NCALD: variants seen among roughly 807,000 people sequenced by gnomAD.
NCALD encodes the protein neurocalcin delta.
In NCALD, 10 loss-of-function variants were observed where a neutral mutation model predicts 18.6. The ratio of observed to expected loss-of-function variants is 0.54; its 90% CI spans 0.33 to 0.91. NCALD has a LOEUF of 0.91. Ranked by LOEUF, NCALD falls within the 40% of genes least tolerant of loss-of-function variation. The pLI is 0.03. For synonymous variants in NCALD, 88 were observed against 87.4 expected, an observed-to-expected ratio of 1.01 and a Z score of -0.04; for missense variants, 184 against 247.6, an observed-to-expected ratio of 0.74 and a Z score of 1.72.
At chr8:101,994,429 G>C (rs931626941) in intron 2 of NCALD, among the ~76,000 whole-genome samples, 1 of 152,142 alleles carries the variant, frequency 6.6e-6, no homozygotes, top group African/African-American at 2.4e-5. Flanking sequence ...GAGGGCTACT[G>C]TTCCTGAATG....
chr8:101,887,631 A>G (rs888681941), intron 3 of NCALD, among the ~76,000 whole-genome samples: 4 of 150,102 alleles, frequency 2.7e-5, no homozygotes, highest in Non-Finnish European at 5.9e-5. Context: ...ATATACATAT[A>G]TATTAAATAC....
chr8:101,929,910 C>T (rs1818510690), intron 2 of NCALD, among the ~76,000 whole-genome samples: 1 of 151,922 alleles, frequency 6.6e-6, no homozygotes, highest in African/African-American at 2.4e-5. Context: ...AACCACATCG[C>T]CCAGTGTGGT....
intron 1 of NCALD, among the ~76,000 whole-genome samples, chr8:102,106,068 C>T (rs1481482758): frequency 6.6e-6 from 1 of 151,210 alleles, no homozygotes; most frequent in Admixed American, 6.6e-5. Context: ...ACATCTAGAA[C>T]AACAATTTTT....
intron 1 of NCALD, among the ~76,000 whole-genome samples, chr8:102,033,988 T>G (rs1433996810): frequency 1.4e-5 from 2 of 145,136 alleles, no homozygotes; most frequent in Non-Finnish European, 3.0e-5. Context: ...TCTCTTTCTT[T>G]CTTGCTCTCT....
intron 4 of NCALD, among the ~76,000 whole-genome samples, chr8:101,798,604 C>T (rs1013130479): frequency 6.6e-6 from 1 of 151,976 alleles, no homozygotes; most frequent in Non-Finnish European, 1.5e-5. Context: ...ACAGAATTAA[C>T]ACAATTCTAA....
chr8:101,792,703 A>T (rs1478478251), upstream of NCALD, among the ~76,000 whole-genome samples: 2 of 152,190 alleles, frequency 1.3e-5, no homozygotes, highest in Non-Finnish European at 2.9e-5. Flanking sequence ...GAGGCAGAGA[A>T]ACATACCCTT....
At chr8:101,825,831 G>C (rs985258814) in intron 4 of NCALD, among the ~76,000 whole-genome samples, 2 of 152,162 alleles carry the variant, frequency 1.3e-5, no homozygotes, top group African/African-American at 4.8e-5. Context: ...CACAAAAGCA[G>C]CTATAGACAA....
At chr8:101,691,571 G>C in intron 3 of NCALD, 1 of 985,396 alleles carries the variant, frequency 1.0e-6, no homozygotes, top group South Asian at 4.7e-5. Context: ...AAAACCTGCA[G>C]TTTAACATCA....
At chr8:101,719,734 G>A in intron 1 of NCALD, 86 bp from the exon 2 acceptor site, 2 of 1,305,106 alleles carry the variant, frequency 1.5e-6, no homozygotes, top group Non-Finnish European at 1.0e-6. Flanking sequence ...CCTTTGGGAA[G>A]AAGAAAAAAC....
intron 2 of NCALD, among the ~76,000 whole-genome samples, chr8:101,934,893 G>T (rs543082274): frequency 8.5e-5 from 13 of 152,182 alleles, no homozygotes; most frequent in African/African-American, 3.1e-4. Flanking sequence ...AATCAACTTG[G>T]GCCATCCTCC....
intron 2 of NCALD, among the ~76,000 whole-genome samples, chr8:102,005,481 G>A (rs984869024): frequency 9.2e-5 from 14 of 152,092 alleles, no homozygotes; most frequent in Admixed American, 8.5e-4. Context: ...ATTCCTCAGG[G>A]ATCTAGAACT....
intron 4 of NCALD, among the ~76,000 whole-genome samples, chr8:101,819,237 A>G (rs1813620158): frequency 6.6e-6 from 1 of 150,940 alleles, no homozygotes; most frequent in African/African-American, 2.4e-5. Flanking sequence ...TACATCACAT[A>G]TATTTGTTTA....
At chr8:101,975,523 T>C (rs1199277069) in intron 2 of NCALD, among the ~76,000 whole-genome samples, 1 of 152,162 alleles carries the variant, frequency 6.6e-6, no homozygotes, top group Non-Finnish European at 1.5e-5. Context: ...TATTGGAAAA[T>C]GGAGGCACCA....
intron 2 of NCALD, among the ~76,000 whole-genome samples, chr8:102,001,729 C>T (rs992736461): frequency 1.3e-5 from 2 of 152,142 alleles, no homozygotes; most frequent in Non-Finnish European, 2.9e-5. Flanking sequence ...ATTCGACATT[C>T]TTAAAGAAAA....
intron 1 of NCALD, among the ~76,000 whole-genome samples, chr8:101,786,345 C>T (rs1288558777): frequency 6.6e-6 from 1 of 152,192 alleles, no homozygotes. Context: ...AGGGGAGGAC[C>T]TCACATGCCT....
chr8:101,974,203 AT>A (rs1243686475), intron 2 of NCALD, among the ~76,000 whole-genome samples: 1 of 152,116 alleles, frequency 6.6e-6, no homozygotes, highest in Non-Finnish European at 1.5e-5. Flanking sequence ...CATTTTATCA[AT>A]TTTCATTTCA....
chr8:102,003,784 A>G (rs973173049), intron 2 of NCALD, among the ~76,000 whole-genome samples: 3 of 152,240 alleles, frequency 2.0e-5, no homozygotes, highest in Non-Finnish European at 4.4e-5. Flanking sequence ...AAACCACATG[A>G]TTATCTCAAT....
At chr8:101,720,326 T>C (rs896001859) in intron 1 of NCALD, among the ~76,000 whole-genome samples, 1 of 152,252 alleles carries the variant, frequency 6.6e-6, no homozygotes, top group Non-Finnish European at 1.5e-5. Flanking sequence ...TTTTGGCTTA[T>C]AAAATAGGTC....
In NCALD at chr8:101,689,684, C is replaced by A. The variant is rs1323634864; in HGVS notation, c.485-278G>T. Among the ~76,000 whole-genome samples the A allele has an allele frequency of 6.6e-6, 1 of 152,148 alleles. No homozygotes were observed. Among genetic ancestry groups the A allele is most frequent in the Non-Finnish European group, 1.5e-5 (1 of 68,018 alleles). On this transcript the variant is annotated intron_variant, in intron 3 of 3. Coordinates refer to ENST00000220931, the MANE Select transcript of NCALD (RefSeq NM_032041.3). This position sits in a 1 kb window ranked among gnomAD's most constrained non-coding sequence, Gnocchi z 4.4. ...TGTGTGCCCGGCCCTGGGCCCGGGA[C>A]TGGGGAGAGGGTGGTGGATGATGCT...
Sources: allele counts gnomAD v4.1 joint callset (sites outside exome capture counted in the v4.1 genomes callset), GRCh38; gene constraint gnomAD v4.1.1; non-coding constraint Gnocchi (gnomAD v3.1); transcripts MANE v1.5; gene names NCBI Gene and HGNC (gene_info 2026-07-23, HGNC 2026-07-21).